ITCH: variants seen among roughly 807,000 people sequenced by gnomAD.
ITCH encodes the protein itchy E3 ubiquitin protein ligase.
A neutral mutation model predicts 126.8 loss-of-function variants in ITCH; 28 were observed. The ratio of observed to expected loss-of-function variants is 0.22; its 90% CI spans 0.16 to 0.30. ITCH has a LOEUF of 0.30. Among genes scored for constraint, ITCH ranks in the 10% least tolerant of loss-of-function variants. The pLI, the probability that ITCH is intolerant of heterozygous loss-of-function variation, is 1.00. For synonymous variants in ITCH, 342 were observed against 340.0 expected, an observed-to-expected ratio of 1.01 and a Z score of -0.06; for missense variants, 631 against 1,032.4, an observed-to-expected ratio of 0.61 and a Z score of 5.33.
intron 18 of ITCH, 140 bp downstream of exon 18, chr20:34,479,929 TGCTCTGTCACCCAG>T: frequency 1.3e-6 from 1 of 771,372 alleles, no homozygotes; most frequent in Non-Finnish European, 2.2e-6. Context: ...GACAGAGTCT[TGCTCTGTCACCCAG>T]GCTGGAGTAC....
At chr20:34,434,097 A>C (rs1299060148) in intron 7 of ITCH, among the ~76,000 whole-genome samples, 1 of 152,150 alleles carries the variant, frequency 6.6e-6, no homozygotes, top group Non-Finnish European at 1.5e-5. Context: ...GCAACATGGC[A>C]GGACCTTGTC....
chr20:34,367,024 G>T (rs2037446472), intron 1 of ITCH, among the ~76,000 whole-genome samples: 1 of 152,164 alleles, frequency 6.6e-6, no homozygotes, highest in East Asian at 1.9e-4. Flanking sequence ...TGGGTAAAGG[G>T]CTCCTTTTCT....
At chr20:34,449,230 C>T (rs1600366306) in intron 11 of ITCH, among the ~76,000 whole-genome samples, 181 bp from the exon 12 acceptor site, 1 of 151,884 alleles carries the variant, frequency 6.6e-6, no homozygotes, top group East Asian at 1.9e-4. Context: ...AATGTTTGCA[C>T]CGGTTTTTTT....
At chr20:34,492,936 A>T (rs1240147121) in intron 23 of ITCH, among the ~76,000 whole-genome samples, 2 of 152,212 alleles carry the variant, frequency 1.3e-5, no homozygotes, top group East Asian at 3.8e-4. Context: ...TATATAATAC[A>T]ATAGTGGATT....
intron 3 of ITCH, among the ~76,000 whole-genome samples, chr20:34,405,579 T>TTGC (rs1018855321): frequency 1.3e-5 from 2 of 152,152 alleles, no homozygotes; most frequent in African/African-American, 4.8e-5. Context: ...CAGCCTTGCG[T>TTGC]TGCTCTTTGT....
intron 6 of ITCH, 42 bp downstream of exon 6, chr20:34,413,921 A>C (rs1315513190): frequency 6.7e-7 from 1 of 1,499,486 alleles, no homozygotes; most frequent in East Asian, 2.3e-5. Flanking sequence ...ATTCTTCTTA[A>C]ATAAAATAGC....
chr20:34,505,530 A>G (rs528930977), intron 24 of ITCH, among the ~76,000 whole-genome samples: 4 of 151,718 alleles, frequency 2.6e-5, no homozygotes, highest in African/African-American at 7.3e-5. Flanking sequence ...GACATTTCAT[A>G]TAAAATGAAT....
intron 15 of ITCH, 60 bp from the exon 16 acceptor site, chr20:34,471,384 G>T (rs2146419894): frequency 3.1e-6 from 3 of 968,562 alleles, no homozygotes; most frequent in Middle Eastern, 4.2e-4. Context: ...TTCCCCTTTT[G>T]ATTTTTTTGA....
At chr20:34,381,051 G>A (rs912219132) in intron 2 of ITCH, among the ~76,000 whole-genome samples, 1 of 151,920 alleles carries the variant, frequency 6.6e-6, no homozygotes, top group African/African-American at 2.4e-5. Context: ...GCCTTTCGAA[G>A]TGCTGGGATT....
In ITCH at chr20:34,444,044, A is replaced by G. The variant is rs573601690; in HGVS notation, c.966-1243A>G. Among the ~76,000 whole-genome samples the G allele has an allele frequency of 1.8e-4, 27 of 152,314 alleles. No homozygotes were observed. In the South Asian group the frequency reaches 2.7e-3, roughly 15 times the overall value. On this transcript the variant is annotated intron_variant, in intron 10 of 24. Transcript: ENST00000374864. ...CATACCCTTCATAATCCTCTCTGTGAAATTTATCCTAAAGAAACAATTCAA... is the reference window on the plus strand; with the variant it reads ...CATACCCTTCATAATCCTCTCTGTGGAATTTATCCTAAAGAAACAATTCAA...
At chr20:34,435,641 A>G (rs1982913593) in intron 7 of ITCH, among the ~76,000 whole-genome samples, 1 of 152,188 alleles carries the variant, frequency 6.6e-6, no homozygotes. Flanking sequence ...CCACTAAAAT[A>G]CACCTGACTT....
intron 6 of ITCH, among the ~76,000 whole-genome samples, chr20:34,423,226 G>A (rs1040917142): frequency 1.3e-5 from 2 of 152,124 alleles, no homozygotes; most frequent in African/African-American, 4.8e-5. Flanking sequence ...GATATAGCGT[G>A]TTTCATTAGT....
intron 15 of ITCH, among the ~76,000 whole-genome samples, chr20:34,470,989 T>G (rs917397102): frequency 2.0e-5 from 3 of 152,192 alleles, no homozygotes; most frequent in African/African-American, 7.2e-5. Flanking sequence ...TATTCAGTGT[T>G]TTTTTCAGAT....
Position 34,509,913 on chromosome 20 carries a change from A to ATT in ITCH, c.*2125_*2126dup, listed in dbSNP as rs11167237. 85 of 152,372 alleles carry ATT rather than the reference A, an allele frequency of 5.6e-4. 2 individuals are homozygous for ATT. In the South Asian group the frequency reaches 0.014, roughly 26 times the overall value. 9.4% of individuals were successfully genotyped at this position (152,372 alleles called of 1,614,324 possible). A position where few individuals can be genotyped will look rare whatever the true frequency, so the allele number is the denominator to read the frequency against. On this transcript the variant is annotated 3_prime_UTR_variant, in exon 25 of 25. Coordinates refer to ENST00000374864, the MANE Select transcript of ITCH (RefSeq NM_031483.7). Reference sequence around the variant, plus strand: ...ATTAAGAGATAATGTAAGAAAATACATTTTTTTGGTTCTATATAATGCTTC... The same window carrying ATT: ...ATTAAGAGATAATGTAAGAAAATACATTTTTTTTTGGTTCTATATAATGCTTC...
intron 7 of ITCH, among the ~76,000 whole-genome samples, chr20:34,433,656 CAA>C (rs1158804192): frequency 2.6e-5 from 3 of 115,382 alleles, no homozygotes; most frequent in Admixed American, 9.8e-5. Context: ...AACAATGTCT[CAA>C]AAAAAAAAAA....
chr20:34,450,614 G>C (rs913794405), intron 12 of ITCH, among the ~76,000 whole-genome samples: 2 of 152,194 alleles, frequency 1.3e-5, no homozygotes, highest in Admixed American at 1.3e-4. Flanking sequence ...ATAGAAGCAA[G>C]ATAATAATAT....
At position 34,417,703 on chromosome 20, in the gene ITCH, C is replaced by CTTT. The variant is rs77967776; in HGVS notation, c.475+3845_475+3847dup. ...GCATGAGCCACTGCGCCTGGCCCAG[C>CTTT]TTTTTTTTTTTTTTTTTTTTTTTAA... On this transcript the variant is annotated intron_variant, in intron 6 of 24. Coordinates refer to ENST00000374864, the MANE Select transcript of ITCH (RefSeq NM_031483.7). Among the ~76,000 whole-genome samples the CTTT allele has an allele frequency of 2.9e-3, 317 of 109,198 alleles. 3 individuals carry two copies. Among genetic ancestry groups the CTTT allele is most frequent in the Non-Finnish European group, 4.0e-3 (228 of 56,524 alleles). 71.6% of individuals were successfully genotyped at this position (109,198 alleles called of 152,430 possible).
At chr20:34,453,103 A>G (rs907018595) in intron 12 of ITCH, among the ~76,000 whole-genome samples, 7 of 152,182 alleles carry the variant, frequency 4.6e-5, no homozygotes, top group Non-Finnish European at 1.0e-4. Flanking sequence ...ATTGTTTATT[A>G]TGTGATTTTT....
intron 14 of ITCH, among the ~76,000 whole-genome samples, chr20:34,467,357 A>G (rs748477835): frequency 2.6e-5 from 4 of 152,064 alleles, no homozygotes; most frequent in Non-Finnish European, 4.4e-5. Context: ...GGTGAAACCC[A>G]TGTCTACAAA....
Sources: gnomAD v4.1 joint callset for allele counts (sites outside exome capture counted in the v4.1 genomes callset) on GRCh38, gnomAD v4.1.1 for gene constraint, MANE v1.5 for transcripts, NCBI Gene and HGNC (gene_info 2026-07-23, HGNC 2026-07-21) for gene names.